The following ROBO2 variants were observed in gnomAD, a reference collection of about 807,000 sequenced individuals.
ROBO2 encodes roundabout guidance receptor 2, also known as roundabout homolog 2.
In ROBO2, 53 loss-of-function variants were observed where a neutral mutation model predicts 160.8. That is an observed-to-expected ratio of 0.33 (90% confidence interval 0.26 to 0.41). The LOEUF (loss-of-function observed/expected upper bound fraction) is 0.41. Among genes scored for constraint, ROBO2 ranks in the 10% least tolerant of loss-of-function variants. The probability of loss-of-function intolerance (pLI) is 1.00; values close to 1 mark genes in which losing one functional copy is unlikely to be tolerated. For missense variants in ROBO2, 1,577 were observed against 1,722.4 expected, an observed-to-expected ratio of 0.92 and a Z score of 1.49; for synonymous variants, 664 against 611.7, an observed-to-expected ratio of 1.09 and a Z score of -1.26.
At chr3:76,357,951 A>G (rs1003050554) in intron 2 of ROBO2, among the ~76,000 whole-genome samples, 3 of 151,056 alleles carry the variant, frequency 2.0e-5, no homozygotes, top group African/African-American at 7.3e-5. Context: ...CAGTCATGTC[A>G]CTCCAAATGT....
intron 2 of ROBO2, among the ~76,000 whole-genome samples, chr3:76,425,461 G>T (rs183860086): frequency 1.3e-5 from 2 of 150,500 alleles, no homozygotes; most frequent in East Asian, 4.0e-4. Context: ...GTCCTTTCTG[G>T]AACTTTGAAG....
chr3:77,549,246 C>T (rs559453273), intron 7 of ROBO2, among the ~76,000 whole-genome samples: 3 of 151,934 alleles, frequency 2.0e-5, no homozygotes, highest in South Asian at 2.1e-4. Context: ...GAAGCCATCC[C>T]GTAGAGAATA....
At chr3:77,228,614 G>T (rs772334507) in intron 2 of ROBO2, among the ~76,000 whole-genome samples, 1 of 151,962 alleles carries the variant, frequency 6.6e-6, no homozygotes, top group Non-Finnish European at 1.5e-5. Flanking sequence ...GGGAGGGGTA[G>T]CATTAGGAGA....
intron 6 of ROBO2, among the ~76,000 whole-genome samples, chr3:77,525,825 G>A (rs956498271): frequency 8.8e-5 from 13 of 146,972 alleles, no homozygotes; most frequent in African/African-American, 1.3e-4. Flanking sequence ...CACTCAAAAC[G>A]CCTTTTTGTT....
chr3:77,416,259 C>T (rs779237012), intron 2 of ROBO2, among the ~76,000 whole-genome samples: 7 of 152,160 alleles, frequency 4.6e-5, no homozygotes, highest in Non-Finnish European at 8.8e-5. Context: ...CTGATTGGTC[C>T]ATGGTGGGCC....
intron 2 of ROBO2, among the ~76,000 whole-genome samples, chr3:76,892,512 T>G (rs1365610165): frequency 6.6e-6 from 1 of 152,148 alleles, no homozygotes; most frequent in Non-Finnish European, 1.5e-5. Context: ...GATTTCCAAT[T>G]TATGGAAACT....
chr3:76,782,477 G>A (rs10440068), intron 2 of ROBO2, among the ~76,000 whole-genome samples: 1,549 of 150,692 alleles, frequency 0.01, 22 homozygotes, highest in African/African-American at 0.035. Flanking sequence ...TAAAAGTGGG[G>A]TATTGAAATT....
At chr3:77,408,829 A>C (rs1243032104) in intron 2 of ROBO2, among the ~76,000 whole-genome samples, 1 of 151,926 alleles carries the variant, frequency 6.6e-6, no homozygotes, top group African/African-American at 2.4e-5. Flanking sequence ...GGATCAAGGG[A>C]TCTTCCTGCC....
chr3:76,249,051 A>G (rs746851366), intron 2 of ROBO2, among the ~76,000 whole-genome samples: 6 of 152,152 alleles, frequency 3.9e-5, no homozygotes, highest in Non-Finnish European at 8.8e-5. Flanking sequence ...AAAACTGGGA[A>G]TTCTTTGGAA....
At chr3:76,566,101 G>A (rs2084503046) in intron 2 of ROBO2, among the ~76,000 whole-genome samples, 1 of 152,164 alleles carries the variant, frequency 6.6e-6, no homozygotes, top group Non-Finnish European at 1.5e-5. Flanking sequence ...TCTTATATGT[G>A]TAGACTGCGT....
At chr3:77,029,110 T>C (rs1245581307) in intron 2 of ROBO2, among the ~76,000 whole-genome samples, 1 of 152,174 alleles carries the variant, frequency 6.6e-6, no homozygotes, top group Non-Finnish European at 1.5e-5. Context: ...AACAGACTGA[T>C]TGGACTATAT....
chr3:76,509,019 T>C (rs1283716100), intron 2 of ROBO2, among the ~76,000 whole-genome samples: 2 of 152,194 alleles, frequency 1.3e-5, no homozygotes, highest in African/African-American at 4.8e-5. Flanking sequence ...TTGAAGCCCT[T>C]ATCAAAGTTA....
chr3:76,477,192 T>C (rs1008892223), intron 2 of ROBO2, among the ~76,000 whole-genome samples: 3 of 152,192 alleles, frequency 2.0e-5, no homozygotes, highest in Non-Finnish European at 2.9e-5. Flanking sequence ...GCTGATCCTA[T>C]ATCATAACTA....
At chr3:77,416,235 TGA>T (rs1353652958) in intron 2 of ROBO2, among the ~76,000 whole-genome samples, 2 of 152,158 alleles carry the variant, frequency 1.3e-5, no homozygotes, top group Non-Finnish European at 2.9e-5. Context: ...GGGCTCAGAA[TGA>T]GAGAGTGCAT....
At chr3:76,630,350 G>A (rs58753606) in intron 2 of ROBO2, among the ~76,000 whole-genome samples, 47,968 of 145,944 alleles carry the variant, frequency 0.33, 8,595 homozygotes, top group Middle Eastern at 0.42. Flanking sequence ...TGGCCACTCA[G>A]GAACTTGAAC....
intron 3 of ROBO2, among the ~76,000 whole-genome samples, chr3:77,478,214 C>A (rs2084272520): frequency 6.6e-6 from 1 of 152,182 alleles, no homozygotes; most frequent in African/African-American, 2.4e-5. Flanking sequence ...CCATAAACCA[C>A]ATTAACTACA....
chr3:75,958,453 T>C (rs1209962787), intron 2 of ROBO2, among the ~76,000 whole-genome samples: 1 of 151,684 alleles, frequency 6.6e-6, no homozygotes, highest in Non-Finnish European at 1.5e-5. Context: ...CTATACAACT[T>C]TAAATTGGAT....
At chr3:76,852,552 AT>A (rs1280659173) in intron 2 of ROBO2, among the ~76,000 whole-genome samples, 3 of 152,140 alleles carry the variant, frequency 2.0e-5, no homozygotes, top group Non-Finnish European at 4.4e-5. Context: ...TGAATATTTA[AT>A]TTGTCAGAAG....
At chr3:76,113,824 C>T (rs115150645) in intron 2 of ROBO2, among the ~76,000 whole-genome samples, 175 of 152,192 alleles carry the variant, frequency 1.1e-3, no homozygotes, top group African/African-American at 4.2e-3. Flanking sequence ...GGATGGATCC[C>T]TCATAAATGG....
Sources: allele counts gnomAD v4.1 joint callset (sites outside exome capture counted in the v4.1 genomes callset), GRCh38; gene constraint gnomAD v4.1.1; transcripts MANE v1.5; gene names NCBI Gene and HGNC (gene_info 2026-07-23, HGNC 2026-07-21).